ADCY2: variants seen among roughly 807,000 people sequenced by gnomAD.
ADCY2 encodes the protein adenylate cyclase 2.
ADCY2 carries 31 observed loss-of-function variants against 125.2 expected under a neutral mutation model. That is an observed-to-expected ratio of 0.25 (90% CI 0.19 to 0.33). ADCY2 has a LOEUF of 0.33. Ranked by LOEUF, ADCY2 falls within the 10% of genes least tolerant of loss-of-function variation. ADCY2 has a pLI of 1.00. For synonymous variants in ADCY2, 512 were observed against 548.4 expected (o/e 0.93, Z 0.93); for missense variants, 904 against 1,418.2 (o/e 0.64, Z 5.82).
intron 4 of ADCY2, among the ~76,000 whole-genome samples, chr5:7,641,378 A>G (rs1299046276): frequency 6.6e-6 from 1 of 152,198 alleles, no homozygotes; most frequent in Admixed American, 6.5e-5. Flanking sequence ...CAAGCACCTC[A>G]AACTTAAATA....
chr5:7,657,406 T>G (rs143089059), intron 4 of ADCY2, among the ~76,000 whole-genome samples: 361 of 151,972 alleles, frequency 2.4e-3, no homozygotes, highest in African/African-American at 8.1e-3. Context: ...TAGGGCAAAG[T>G]CTTCTACAAA....
intron 2 of ADCY2, among the ~76,000 whole-genome samples, chr5:7,464,072 C>T (rs1561039992): frequency 6.6e-6 from 1 of 152,156 alleles, no homozygotes; most frequent in Non-Finnish European, 1.5e-5. Context: ...ATGCTACAAA[C>T]CGTACTCTCA....
intron 4 of ADCY2, among the ~76,000 whole-genome samples, chr5:7,641,400 C>A (rs1441823087): frequency 6.6e-6 from 1 of 152,136 alleles, no homozygotes; most frequent in African/African-American, 2.4e-5. Flanking sequence ...CAAAGATGAT[C>A]GTGGTATAAG....
chr5:7,693,406 G>GTTTTTTTT lies in ADCY2; in HGVS notation c.870-2340_870-2339insTTTTTTTT, dbSNP rs139450063. Among the ~76,000 whole-genome samples, 28 of 58,646 alleles carry GTTTTTTTT rather than the reference G, an allele frequency of 4.8e-4. 1 individual carries two copies. The highest frequency in any genetic ancestry group is 7.3e-4 in the South Asian group (1 of 1,362). 38.5% of individuals were successfully genotyped at this position (58,646 alleles called of 152,430 possible). ...GTACCTTGCATCACAATTGCCTGCTGTTTTTTGTTTTTTTTTTTTTTTTTT... is the reference window on the plus strand; with the variant it reads ...GTACCTTGCATCACAATTGCCTGCTGTTTTTTTTTTTTTTGTTTTTTTTTTTTTTTTTT... On this transcript the variant is annotated intron_variant, in intron 5 of 24. Coordinates refer to ENST00000338316, the MANE Select transcript of ADCY2 (RefSeq NM_020546.3).
intron 22 of ADCY2, among the ~76,000 whole-genome samples, chr5:7,805,316 A>G (rs140266701): frequency 0.015 from 2,295 of 152,248 alleles, 27 homozygotes; most frequent in African/African-American, 0.028. Context: ...GTGACACCGC[A>G]TCTAAAAAAT....
At chr5:7,635,864 T>C (rs995466356) in intron 4 of ADCY2, among the ~76,000 whole-genome samples, 6 of 152,244 alleles carry the variant, frequency 3.9e-5, no homozygotes, top group Non-Finnish European at 8.8e-5. Flanking sequence ...TTCCCTCTCA[T>C]GATAGTGGCT....
intron 15 of ADCY2, among the ~76,000 whole-genome samples, chr5:7,756,755 AC>A (rs1433801234): frequency 6.6e-6 from 1 of 152,236 alleles, no homozygotes; most frequent in Non-Finnish European, 1.5e-5. Flanking sequence ...GAGATGTTAC[AC>A]AACAATGTGA....
chr5:7,449,942 G>A (rs1171271306), intron 2 of ADCY2, among the ~76,000 whole-genome samples: 2 of 152,120 alleles, frequency 1.3e-5, no homozygotes, highest in Non-Finnish European at 2.9e-5. Context: ...ACCACGAACC[G>A]CAGCCACATT....
chr5:7,439,106 A>G (rs757129531), intron 2 of ADCY2, among the ~76,000 whole-genome samples: 3 of 152,228 alleles, frequency 2.0e-5, no homozygotes, highest in African/African-American at 4.8e-5. Flanking sequence ...CATCATTGCC[A>G]TGAGGTAGAC....
At chr5:7,645,330 G>C (rs1047351202) in intron 4 of ADCY2, among the ~76,000 whole-genome samples, 4 of 152,132 alleles carry the variant, frequency 2.6e-5, no homozygotes, top group Admixed American at 2.6e-4. Flanking sequence ...GGATTCACTG[G>C]AAAGTTTCAA....
chr5:7,740,257 T>A (rs1742370290), intron 14 of ADCY2, among the ~76,000 whole-genome samples: 1 of 151,744 alleles, frequency 6.6e-6, no homozygotes, highest in Non-Finnish European at 1.5e-5. Flanking sequence ...ATTCAGCATT[T>A]AAAAAAAAGA....
chr5:7,416,261 C>T (rs1739939657), intron 2 of ADCY2, among the ~76,000 whole-genome samples: 1 of 152,210 alleles, frequency 6.6e-6, no homozygotes, highest in Non-Finnish European at 1.5e-5. Flanking sequence ...TAAGTGAACT[C>T]AAGTTAGTCT....
chr5:7,408,394 G>A (rs1414356005), intron 1 of ADCY2, among the ~76,000 whole-genome samples: 1 of 151,902 alleles, frequency 6.6e-6, no homozygotes, highest in Non-Finnish European at 1.5e-5. Context: ...TTTTGAGACA[G>A]TCTTGCTGTG....
At chr5:7,779,549 G>A (rs1278881439) in intron 18 of ADCY2, among the ~76,000 whole-genome samples, 3 of 130,248 alleles carry the variant, frequency 2.3e-5, no homozygotes, top group African/African-American at 5.8e-5. Flanking sequence ...TGTCTCCACA[G>A]CAAAGGGCCA....
intron 19 of ADCY2, among the ~76,000 whole-genome samples, chr5:7,789,012 T>C (rs1033527716): frequency 1.4e-4 from 22 of 152,232 alleles, no homozygotes; most frequent in Non-Finnish European, 3.1e-4. Context: ...AAATACATTA[T>C]ATTTTAATAC....
intron 4 of ADCY2, among the ~76,000 whole-genome samples, chr5:7,640,132 A>C (rs1168791947): frequency 1.3e-5 from 2 of 152,222 alleles, no homozygotes; most frequent in Admixed American, 6.5e-5. Flanking sequence ...TGAATCTTTA[A>C]AACAGTGTTA....
At chr5:7,551,616 AG>A (rs1433469315) in intron 3 of ADCY2, among the ~76,000 whole-genome samples, 1 of 152,218 alleles carries the variant, frequency 6.6e-6, no homozygotes, top group Non-Finnish European at 1.5e-5. Context: ...ACAGTGTATC[AG>A]GTACTAGTGA....
chr5:7,782,861 C>A (rs1437303876), intron 18 of ADCY2, among the ~76,000 whole-genome samples: 1 of 151,856 alleles, frequency 6.6e-6, no homozygotes, highest in East Asian at 1.9e-4. Context: ...TTGGACACCG[C>A]AGTCATAGGC....
intron 7 of ADCY2, among the ~76,000 whole-genome samples, chr5:7,699,693 T>C (rs980639005): frequency 1.3e-5 from 2 of 152,142 alleles, no homozygotes; most frequent in African/African-American, 4.8e-5. Context: ...CCCAGAGTAA[T>C]CTGCCCACCT....
Sources: gnomAD v4.1 joint callset for allele counts (sites outside exome capture counted in the v4.1 genomes callset) on GRCh38, gnomAD v4.1.1 for gene constraint, MANE v1.5 for transcripts, NCBI Gene and HGNC (gene_info 2026-07-23, HGNC 2026-07-21) for gene names.